The following TCF4 variants were observed in gnomAD, a reference collection of about 807,000 sequenced individuals.
TCF4 encodes transcription factor 4.
A neutral mutation model predicts 82.1 loss-of-function variants in TCF4; 3 were observed. The observed-to-expected ratio is 0.04, with a 90% CI of 0.02 to 0.09. TCF4 has a LOEUF of 0.09. TCF4 is among the 10% of genes least tolerant of loss of function. TCF4 has a pLI of 1.00. For missense variants in TCF4, 518 were observed against 852.7 expected (o/e 0.61, Z 4.89); for synonymous variants, 276 against 309.6 (o/e 0.89, Z 1.14).
intron 5 of TCF4, among the ~76,000 whole-genome samples, chr18:55,404,875 G>A (rs2094006938): frequency 6.6e-6 from 1 of 152,234 alleles, no homozygotes; most frequent in Non-Finnish European, 1.5e-5. Flanking sequence ...CCGTTTCCCA[G>A]TATTAACTTT....
At chr18:55,327,882 G>C (rs556455275) in intron 8 of TCF4, among the ~76,000 whole-genome samples, 1 of 152,102 alleles carries the variant, frequency 6.6e-6, no homozygotes. Flanking sequence ...TCAAATTTCA[G>C]TATACAGTGA....
At chr18:55,232,946 T>C (rs2048314665) in intron 16 of TCF4, among the ~76,000 whole-genome samples, 1 of 152,364 alleles carries the variant, frequency 6.6e-6, no homozygotes, top group Admixed American at 6.5e-5. Context: ...ATGAAAATCA[T>C]AATCATGAAA....
At chr18:55,542,789 C>T (rs2097175342) in intron 3 of TCF4, among the ~76,000 whole-genome samples, 1 of 151,956 alleles carries the variant, frequency 6.6e-6, no homozygotes, top group African/African-American at 2.4e-5. Flanking sequence ...TTAAGAAAGT[C>T]TATCACCATC....
chr18:55,400,575 A>C (rs2093757328), intron 6 of TCF4, among the ~76,000 whole-genome samples: 1 of 152,210 alleles, frequency 6.6e-6, no homozygotes, highest in Non-Finnish European at 1.5e-5. Flanking sequence ...CTTAATTGCT[A>C]ATAAAGAACC....
At chr18:55,523,173 C>T (rs1308369335) in intron 3 of TCF4, among the ~76,000 whole-genome samples, 1 of 151,986 alleles carries the variant, frequency 6.6e-6, no homozygotes, top group Admixed American at 6.6e-5. Flanking sequence ...GAGAATATTA[C>T]ATTATCAACA....
intron 10 of TCF4, among the ~76,000 whole-genome samples, chr18:55,274,642 A>T (rs139310744): frequency 1.3e-5 from 2 of 152,336 alleles, no homozygotes; most frequent in East Asian, 3.9e-4. Context: ...GGCAAATGCA[A>T]GATGAATAGT....
intron 6 of TCF4, among the ~76,000 whole-genome samples, chr18:55,395,932 T>C (rs1001551234): frequency 2.6e-5 from 4 of 152,016 alleles, no homozygotes; most frequent in African/African-American, 7.3e-5. Context: ...TAATCTTTTT[T>C]TCCCCCCCTT....
At chr18:55,565,474 C>T (rs760094915) in intron 3 of TCF4, among the ~76,000 whole-genome samples, 9 of 152,146 alleles carry the variant, frequency 5.9e-5, no homozygotes, top group Non-Finnish European at 1.3e-4. Context: ...AAGACTAGGA[C>T]TCCCAGAGTA....
At chr18:55,604,174 T>C (rs1277940741) in intron 2 of TCF4, among the ~76,000 whole-genome samples, 1 of 152,218 alleles carries the variant, frequency 6.6e-6, no homozygotes, top group African/African-American at 2.4e-5. Context: ...ATATAGATTC[T>C]GCACACAAAT....
chr18:55,355,743 A>G (rs1349036744), intron 6 of TCF4, among the ~76,000 whole-genome samples: 1 of 152,198 alleles, frequency 6.6e-6, no homozygotes, highest in Non-Finnish European at 1.5e-5. Flanking sequence ...AGACCAAGAT[A>G]TCTTGCAAAT....
At chr18:55,379,498 C>T (rs1177782384) in intron 6 of TCF4, among the ~76,000 whole-genome samples, 1 of 152,114 alleles carries the variant, frequency 6.6e-6, no homozygotes, top group Non-Finnish European at 1.5e-5. Flanking sequence ...GCAGAGGAAG[C>T]CTCCACATCA....
At chr18:55,360,599 C>T (rs2084847420) in intron 6 of TCF4, among the ~76,000 whole-genome samples, 1 of 152,114 alleles carries the variant, frequency 6.6e-6, no homozygotes, top group African/African-American at 2.4e-5. Context: ...CCAACTCTGC[C>T]ATTGTTACGC....
chr18:55,257,244 G>T, intron 14 of TCF4, 71 bp downstream of exon 14: 1 of 1,491,146 alleles, frequency 6.7e-7, no homozygotes, highest in Non-Finnish European at 9.4e-7. Flanking sequence ...ATCTTGGAGA[G>T]TAAAGGAGAC....
intron 2 of TCF4, among the ~76,000 whole-genome samples, chr18:55,621,787 ATT>A (rs2097720492): frequency 1.1e-5 from 1 of 89,816 alleles, no homozygotes; most frequent in Non-Finnish European, 1.9e-5. Flanking sequence ...TATAATATAT[ATT>A]ATATATTATA....
intron 8 of TCF4, 33 bp downstream of exon 8, chr18:55,350,326 G>T: frequency 6.2e-7 from 1 of 1,604,994 alleles, no homozygotes; most frequent in South Asian, 1.1e-5. Context: ...AACAAAATAA[G>T]CAATATACAA....
intron 13 of TCF4, chr18:55,259,703 T>C (rs1268075351): frequency 5.5e-5 from 27 of 492,380 alleles, no homozygotes; most frequent in Non-Finnish European, 8.7e-5. Context: ...GTGTAAGAAA[T>C]ACATTTTCCA....
chr18:55,253,017 A>G (rs1363411491), intron 15 of TCF4, among the ~76,000 whole-genome samples: 1 of 152,212 alleles, frequency 6.6e-6, no homozygotes, highest in East Asian at 1.9e-4. Context: ...TTTTTATTCA[A>G]TGATGAATTT....
At chr18:55,231,451 C>T (rs1185136916) in intron 17 of TCF4, 12 of 152,186 alleles carry the variant, frequency 7.9e-5, no homozygotes, top group Non-Finnish European at 1.8e-4. Flanking sequence ...ATAAGAGTGA[C>T]CTTTTTAAAT....
At chr18:55,256,726 T>A (rs1273044204) in intron 14 of TCF4, among the ~76,000 whole-genome samples, 1 of 152,144 alleles carries the variant, frequency 6.6e-6, no homozygotes, top group Non-Finnish European at 1.5e-5. Flanking sequence ...ACCAGCATTG[T>A]TTCCTGCATA....
Sources: gnomAD v4.1 joint callset for allele counts (sites outside exome capture counted in the v4.1 genomes callset) on GRCh38, gnomAD v4.1.1 for gene constraint, MANE v1.5 for transcripts, NCBI Gene and HGNC (gene_info 2026-07-23, HGNC 2026-07-21) for gene names.